IL31RA: variants seen among roughly 807,000 people sequenced by gnomAD.
The protein encoded by IL31RA is interleukin-31 receptor subunit alpha.
In IL31RA, 66 loss-of-function variants were observed where a neutral mutation model predicts 83.7. The ratio of observed to expected loss-of-function variants is 0.79; its 90% CI spans 0.65 to 0.97. The LOEUF is 0.97. Among genes scored for constraint, IL31RA ranks in the 50% least tolerant of loss-of-function variants. IL31RA has a pLI of 0.00. For missense variants in IL31RA, 798 were observed against 919.4 expected (o/e 0.87, Z 1.71); for synonymous variants, 325 against 329.0 (o/e 0.99, Z 0.13).
intron 7 of IL31RA, among the ~76,000 whole-genome samples, chr5:55,899,525 C>T (rs541618363): frequency 6.6e-4 from 101 of 152,300 alleles, no homozygotes; most frequent in African/African-American, 2.1e-3. Flanking sequence ...TTGGATACTC[C>T]AGGCAAGAGA....
At chr5:55,907,235 C>A in intron 9 of IL31RA, 124 bp from the exon 10 acceptor site, 1 of 684,468 alleles carries the variant, frequency 1.5e-6, no homozygotes. Context: ...GTTTATTTTC[C>A]AGAGGTGGAA....
chr5:55,850,405 C>T (rs555999005), upstream of IL31RA, among the ~76,000 whole-genome samples: 14 of 152,218 alleles, frequency 9.2e-5, no homozygotes, highest in African/African-American at 3.1e-4. Context: ...TGGAAGATTT[C>T]CTCAACTTTA....
chr5:55,880,406 T>C (rs1262206283), intron 4 of IL31RA, among the ~76,000 whole-genome samples: 1 of 152,212 alleles, frequency 6.6e-6, no homozygotes, highest in Non-Finnish European at 1.5e-5. Flanking sequence ...TATTTTACAT[T>C]GCATGCCTGT....
chr5:55,901,556 G>A (rs1748802463), intron 8 of IL31RA, among the ~76,000 whole-genome samples: 1 of 150,870 alleles, frequency 6.6e-6, no homozygotes, highest in Non-Finnish European at 1.5e-5. Flanking sequence ...TATGTAAAAT[G>A]CTTTGTCTGG....
intron 2 of IL31RA, among the ~76,000 whole-genome samples, chr5:55,865,873 T>A (rs1580663547): frequency 6.6e-6 from 1 of 152,174 alleles, no homozygotes; most frequent in African/African-American, 2.4e-5. Context: ...AGATTGTGTC[T>A]GAATATATGA....
At position 55,920,230 on chromosome 5, in the gene IL31RA, T is replaced by C. The variant is rs1239440361; in HGVS notation, c.*3110T>C. 6.6e-6 allele frequency among the ~76,000 whole-genome samples: 1 copy of C among 152,194 alleles called. No individual in the cohort carries two copies. Among genetic ancestry groups the C allele is most frequent in the African/African-American group, 2.4e-5 (1 of 41,456 alleles). ...ATGCCTCCGGCTGCTCTGCTGATGCTCTGTGTGCGAGGAAAGCCTGTGCTG... is the reference window on the plus strand; with the variant it reads ...ATGCCTCCGGCTGCTCTGCTGATGCCCTGTGTGCGAGGAAAGCCTGTGCTG... On this transcript the variant is annotated 3_prime_UTR_variant, in exon 15 of 15. Coordinates refer to ENST00000652347, the MANE Select transcript of IL31RA (RefSeq NM_139017.7).
At chr5:55,867,804 C>T (rs926862175) in intron 2 of IL31RA, among the ~76,000 whole-genome samples, 1 of 151,950 alleles carries the variant, frequency 6.6e-6, no homozygotes, top group Non-Finnish European at 1.5e-5. Context: ...GAAGTAAAAG[C>T]GCAAACCCCT....
chr5:55,907,449 C>T lies in IL31RA; in HGVS notation c.1343C>T (p.Ala448Val), dbSNP rs781138634. The change falls in exon 10 of 15, where the codon GCC (alanine) becomes GTC (valine). Residue 448 changes from alanine to valine, a missense_variant. Transcript: ENST00000652347. ...GAGCCATATTCCATCCAGGCTTATG[C>T]CAAAGAAGGCGGTATGAATGGACAA... ...VGEPYSIQAYAKEGVPSEGPE... is the reference protein window; with the variant it reads ...VGEPYSIQAYVKEGVPSEGPE... The T allele has an allele frequency of 8.1e-6, 13 of 1,607,058 alleles. No individual in the cohort carries two copies. Among genetic ancestry groups the T allele is most frequent in the Non-Finnish European group, 1.0e-5 (12 of 1,173,496 alleles).
chr5:55,897,017 T>TATATA (rs1748443465), intron 7 of IL31RA, among the ~76,000 whole-genome samples: 1 of 3,814 alleles, frequency 2.6e-4, no homozygotes, highest in Non-Finnish European at 5.4e-4. Flanking sequence ...ATATATATAT[T>TATATA]TTTTTTTTTT....
At chr5:55,858,175 C>A (rs1745466129) in intron 1 of IL31RA, among the ~76,000 whole-genome samples, 1 of 151,830 alleles carries the variant, frequency 6.6e-6, no homozygotes, top group Admixed American at 6.6e-5. Flanking sequence ...AATGCAAAAC[C>A]GCTTGTCAGA....
the IL31RA span, among the ~76,000 whole-genome samples, chr5:55,841,149 C>G: frequency 3.9e-5 from 6 of 152,200 alleles, no homozygotes; most frequent in African/African-American, 7.2e-5. Flanking sequence ...TTATCATTCT[C>G]TCTCCTGATT....
intron 1 of IL31RA, among the ~76,000 whole-genome samples, chr5:55,854,732 G>A (rs1315669968): frequency 8.8e-5 from 12 of 136,648 alleles, no homozygotes; most frequent in Non-Finnish European, 1.2e-4. Context: ...GTCACAGAGT[G>A]AGACCCCGTC....
chr5:55,859,194 G>A (rs1240155236), intron 1 of IL31RA, among the ~76,000 whole-genome samples: 1 of 152,228 alleles, frequency 6.6e-6, no homozygotes, highest in Non-Finnish European at 1.5e-5. Flanking sequence ...CTGAGGCAAG[G>A]GCCAGAGGAT....
chr5:55,883,863 C>T (rs1747418900), intron 5 of IL31RA, among the ~76,000 whole-genome samples: 1 of 152,116 alleles, frequency 6.6e-6, no homozygotes, highest in African/African-American at 2.4e-5. Context: ...AAAGGGAATC[C>T]ATATATTTTG....
chr5:55,859,610 C>T lies in IL31RA; in HGVS notation c.154+11C>T, dbSNP rs1745550087. Reference sequence around the variant, plus strand: ...AATTCAGCCTGGCAGGTAGGTTGACCTGGGCCCTTTTACAGATCATGTGAT... The same window carrying T: ...AATTCAGCCTGGCAGGTAGGTTGACTTGGGCCCTTTTACAGATCATGTGAT... On this transcript the variant is annotated intron_variant, in intron 2 of 14. Coordinates refer to ENST00000652347, the MANE Select transcript of IL31RA (RefSeq NM_139017.7). 2.5e-6 allele frequency: 4 copies of T among 1,571,040 alleles called. No homozygotes were observed. The highest frequency in any genetic ancestry group is 3.5e-6 in the Non-Finnish European group (4 of 1,140,724).
At chr5:55,849,956 G>T (rs1238732103), upstream of IL31RA, among the ~76,000 whole-genome samples, 2 of 152,280 alleles carry the variant, frequency 1.3e-5, no homozygotes, top group East Asian at 3.9e-4. Context: ...TTTCAAGAAC[G>T]TTGTTTTACC....
chr5:55,899,540 T>G (rs1748677145), intron 7 of IL31RA, among the ~76,000 whole-genome samples: 1 of 152,198 alleles, frequency 6.6e-6, no homozygotes, highest in South Asian at 2.1e-4. Context: ...AAGAGATGAC[T>G]CAGAGCCAGA....
intron 10 of IL31RA, among the ~76,000 whole-genome samples, chr5:55,907,684 AACTC>A (rs1749242704): frequency 6.6e-6 from 1 of 152,210 alleles, no homozygotes; most frequent in Admixed American, 6.5e-5. Context: ...GGAAAATTAA[AACTC>A]AGAGAGGTGA....
At chr5:55,874,100 C>A (rs1487125544) in intron 4 of IL31RA, among the ~76,000 whole-genome samples, 1 of 151,954 alleles carries the variant, frequency 6.6e-6, no homozygotes, top group African/African-American at 2.4e-5. Flanking sequence ...TATTCTTTTG[C>A]ATGTGGATAT....
Sources: gnomAD v4.1 joint callset for allele counts (sites outside exome capture counted in the v4.1 genomes callset) on GRCh38, gnomAD v4.1.1 for gene constraint, MANE v1.5 for transcripts, NCBI Gene and HGNC (gene_info 2026-07-23, HGNC 2026-07-21) for gene names.